AMN1: variants seen among roughly 807,000 people sequenced by gnomAD.
AMN1 encodes the protein protein AMN1 homolog.
AMN1 carries 20 observed loss-of-function variants against 33.0 expected under a neutral mutation model. That is an observed-to-expected ratio of 0.61 (90% confidence interval 0.43 to 0.88). The LOEUF is 0.88. AMN1 is among the 40% of genes least tolerant of loss of function. AMN1 has a pLI of 0.00. For missense variants in AMN1, 246 were observed against 307.4 expected (o/e 0.80, Z 1.49); for synonymous variants, 114 against 111.9 (o/e 1.02, Z -0.12).
chr12:31,709,761 C>T (rs979704532), intron 1 of AMN1, among the ~76,000 whole-genome samples: 6 of 151,844 alleles, frequency 4.0e-5, no homozygotes, highest in Non-Finnish European at 7.4e-5. Context: ...CCCAGAAGGT[C>T]GAGACTGCAG....
intron 6 of AMN1, among the ~76,000 whole-genome samples, chr12:31,677,937 T>C (rs1270208419): frequency 6.6e-6 from 1 of 152,180 alleles, no homozygotes; most frequent in Non-Finnish European, 1.5e-5. Context: ...AAGGCCCTCA[T>C]TCCAGAGTGG....
chr12:31,722,129 T>TCACACACACACACA (rs1338783051), intron 1 of AMN1, among the ~76,000 whole-genome samples: 4 of 94,132 alleles, frequency 4.2e-5, no homozygotes, highest in African/African-American at 1.3e-4. Flanking sequence ...ATCAGGCCTT[T>TCACACACACACACA]GACACACACA....
chr12:31,701,765 T>A (rs1382846929), intron 3 of AMN1, 98 bp downstream of exon 3: 2 of 1,011,022 alleles, frequency 2.0e-6, no homozygotes, highest in Non-Finnish European at 1.4e-6. Flanking sequence ...TTCTCTGACT[T>A]CTTCATACTC....
chr12:31,719,276 A>T, intron 1 of AMN1: 1 of 760,308 alleles, frequency 1.3e-6, no homozygotes, highest in Non-Finnish European at 1.6e-6. Flanking sequence ...GGAGCTGCAG[A>T]CTGGAGCTGT....
chr12:31,705,282 G>A (rs1208963655), intron 2 of AMN1, among the ~76,000 whole-genome samples: 2 of 152,092 alleles, frequency 1.3e-5, no homozygotes, highest in Non-Finnish European at 2.9e-5. Flanking sequence ...CAGATTGCTT[G>A]AGCCCAGAGG....
At chr12:31,721,517 C>T (rs1428071530) in intron 1 of AMN1, among the ~76,000 whole-genome samples, 1 of 152,194 alleles carries the variant, frequency 6.6e-6, no homozygotes, top group East Asian at 1.9e-4. Flanking sequence ...GCTCCTTGGT[C>T]TCTGATCCCT....
chr12:31,689,068 A>G lies in AMN1; in HGVS notation c.642T>C (p.Ala214=). 2 of 1,613,706 alleles carry G rather than the reference A, an allele frequency of 1.2e-6. No individual in the cohort carries two copies. The highest frequency in any genetic ancestry group is 1.7e-6 in the Non-Finnish European group (2 of 1,179,758). The change falls in exon 6 of 7, where the codon GCT becomes GCC. Residue 214 remains alanine (A), a synonymous_variant. Transcript: ENST00000281471. ...CVNLTDGAVE[A]VLTYCPQIRI... ...GTATTTGAGGACAGTAAGTAAGGAC[A>G]GCTTCGACAGCCCCATCAGTCAGAT... is the stretch of plus-strand genomic sequence containing the variant.
At chr12:31,680,287 G>A (rs768047351) in intron 6 of AMN1, among the ~76,000 whole-genome samples, 84 of 151,358 alleles carry the variant, frequency 5.5e-4, no homozygotes, top group Non-Finnish European at 1.1e-3. Flanking sequence ...TGCAACCTCC[G>A]CCTCCCGGGT....
At chr12:31,688,442 T>C (rs76605974) in intron 6 of AMN1, among the ~76,000 whole-genome samples, 2,748 of 152,298 alleles carry the variant, frequency 0.018, 74 homozygotes, top group African/African-American at 0.062. Flanking sequence ...CTGGCCACCA[T>C]TACCACCTTC....
At chr12:31,700,883 G>T (rs532201709) in intron 3 of AMN1, among the ~76,000 whole-genome samples, 10 of 151,606 alleles carry the variant, frequency 6.6e-5, no homozygotes, top group Admixed American at 6.6e-4. Flanking sequence ...TAGAGACGGG[G>T]TTTCACCATG....
At chr12:31,684,050 G>A (rs1425479809) in intron 6 of AMN1, among the ~76,000 whole-genome samples, 1 of 152,152 alleles carries the variant, frequency 6.6e-6, no homozygotes, top group Non-Finnish European at 1.5e-5. Context: ...ATAATAAAAT[G>A]TGTCAATATT....
intron 1 of AMN1, among the ~76,000 whole-genome samples, chr12:31,725,059 C>T (rs778301267): frequency 5.4e-4 from 82 of 152,218 alleles, no homozygotes; most frequent in Non-Finnish European, 9.0e-4. Context: ...GGGATATAAA[C>T]GCCACCAGTT....
intron 1 of AMN1, among the ~76,000 whole-genome samples, chr12:31,722,153 A>ACG (rs1352618882): frequency 6.6e-6 from 1 of 151,676 alleles, no homozygotes; most frequent in African/African-American, 2.4e-5. Flanking sequence ...ACACACACAC[A>ACG]CACACACACA....
chr12:31,674,681 A>T (rs1951348933), intron 6 of AMN1, among the ~76,000 whole-genome samples: 1 of 152,138 alleles, frequency 6.6e-6, no homozygotes, highest in Non-Finnish European at 1.5e-5. Flanking sequence ...CACCATTCTA[A>T]TAGAACAAAG....
intron 2 of AMN1, chr12:31,708,887 TA>T: frequency 3.3e-6 from 1 of 307,328 alleles, no homozygotes; most frequent in South Asian, 2.8e-5. Context: ...TATAATATTC[TA>T]AAATGTGGGC....
At chr12:31,682,579 C>A (rs1038594238) in intron 6 of AMN1, among the ~76,000 whole-genome samples, 1 of 151,954 alleles carries the variant, frequency 6.6e-6, no homozygotes, top group African/African-American at 2.4e-5. Flanking sequence ...TCTTTTATAG[C>A]CTGGGGTTTT....
At chr12:31,708,107 A>G (rs1452624012) in intron 2 of AMN1, among the ~76,000 whole-genome samples, 1 of 152,220 alleles carries the variant, frequency 6.6e-6, no homozygotes, top group Admixed American at 6.5e-5. Flanking sequence ...ATTTTAGCGA[A>G]CAAGGGAAGA....
At chr12:31,692,404 C>A (rs1386740806) in intron 5 of AMN1, among the ~76,000 whole-genome samples, 2 of 150,558 alleles carry the variant, frequency 1.3e-5, no homozygotes, top group African/African-American at 4.9e-5. Flanking sequence ...TTGCAGTGAG[C>A]CGAGATCACT....
chr12:31,690,787 A>G (rs1365107213), intron 5 of AMN1, among the ~76,000 whole-genome samples: 3 of 152,180 alleles, frequency 2.0e-5, no homozygotes, highest in Non-Finnish European at 2.9e-5. Context: ...TCTTTGCATC[A>G]AATGGTAAAA....
Sources: allele counts gnomAD v4.1 joint callset (sites outside exome capture counted in the v4.1 genomes callset), GRCh38; gene constraint gnomAD v4.1.1; transcripts MANE v1.5; gene names NCBI Gene and HGNC (gene_info 2026-07-23, HGNC 2026-07-21).